PLCZ1: variants seen among roughly 807,000 people sequenced by gnomAD.
The protein encoded by PLCZ1 is 1-phosphatidylinositol 4,5-bisphosphate phosphodiesterase zeta-1.
In PLCZ1, 64 loss-of-function variants were observed where a neutral mutation model predicts 76.8. The observed-to-expected ratio is 0.83, with a 90% CI of 0.68 to 1.03. PLCZ1 has a LOEUF of 1.03. Ranked by LOEUF, PLCZ1 falls within the 50% of genes least tolerant of loss-of-function variation. The pLI is 0.00. For missense variants in PLCZ1, 751 were observed against 713.7 expected (o/e 1.05, Z -0.60); for synonymous variants, 248 against 230.8 (o/e 1.07, Z -0.68).
At chr12:18,710,897 A>G (rs1428298880) in intron 6 of PLCZ1, among the ~76,000 whole-genome samples, 1 of 152,096 alleles carries the variant, frequency 6.6e-6, no homozygotes, top group Non-Finnish European at 1.5e-5. Flanking sequence ...GGTGCTGGAG[A>G]GGATGTGGAG....
At position 18,696,257 on chromosome 12, in the gene PLCZ1, A is replaced by C; in HGVS notation, c.1184T>G (p.Phe395Cys). ...RKLSKLRVHE[F>C]IFHTRKFITR... ...AATGAACTTCCTGGTGTGAAAAATA[A>C]ACTCATGGACTGAAAAAGAATAATT... Residue 395 changes from phenylalanine to cysteine, a missense_variant, in exon 11 of 15, where the codon TTT becomes TGT. By Grantham distance (205) the Phe-to-Cys change is radical. Coordinates refer to ENST00000266505, the MANE Select transcript of PLCZ1 (RefSeq NM_033123.4). 1 of 1,552,488 alleles carries C rather than the reference A, an allele frequency of 6.4e-7. No individual in the cohort carries two copies. The highest frequency in any genetic ancestry group is 1.1e-5 in the South Asian group (1 of 89,102).
the PLCZ1 span, chr12:18,648,034 G>A: frequency 1.3e-6 from 2 of 1,565,896 alleles, no homozygotes; most frequent in Non-Finnish European, 1.7e-6. Flanking sequence ...TTTGACCATT[G>A]CTATGAACAT....
chr12:18,646,520 C>T, the PLCZ1 span, among the ~76,000 whole-genome samples: 1 of 152,046 alleles, frequency 6.6e-6, no homozygotes, highest in South Asian at 2.1e-4. Flanking sequence ...TCATTGATAA[C>T]GTAATGAAAG....
chr12:18,680,329 G>C (rs984982739), downstream of PLCZ1, among the ~76,000 whole-genome samples: 1 of 152,086 alleles, frequency 6.6e-6, no homozygotes, highest in South Asian at 2.1e-4. Context: ...AACTCCTAGA[G>C]GCTCTGTATA....
chr12:18,732,798 T>TAAAA (rs1174976462), intron 3 of PLCZ1, among the ~76,000 whole-genome samples: 3 of 152,216 alleles, frequency 2.0e-5, no homozygotes, highest in Admixed American at 2.0e-4. Context: ...AATAACAAGA[T>TAAAA]ATTCTTTATT....
chr12:18,650,680 G>A, the PLCZ1 span, among the ~76,000 whole-genome samples: 1 of 37,064 alleles, frequency 2.7e-5, no homozygotes, highest in African/African-American at 1.6e-4. Context: ...GTGTGTGTGT[G>A]TGTGTGTGTG....
At chr12:18,660,566 T>C in the PLCZ1 span, among the ~76,000 whole-genome samples, 9 of 152,152 alleles carry the variant, frequency 5.9e-5, no homozygotes, top group African/African-American at 2.2e-4. Flanking sequence ...TAACTGTGCA[T>C]GCCCGGAGAA....
At chr12:18,684,089 T>A (rs375406071) in intron 14 of PLCZ1, 41 bp downstream of exon 14, 58 of 1,603,002 alleles carry the variant, frequency 3.6e-5, no homozygotes, top group South Asian at 9.9e-5. Flanking sequence ...ACAAGTTATA[T>A]TTAAATGCTG....
intron 12 of PLCZ1, chr12:18,693,825 A>G (rs1411801319): frequency 1.4e-5 from 21 of 1,529,422 alleles, no homozygotes; most frequent in Non-Finnish European, 1.9e-5. Flanking sequence ...ATTGGCAGGA[A>G]GATTGAGTTC....
At chr12:18,688,320 A>G in intron 12 of PLCZ1, 102 bp from the exon 13 acceptor site, 6 of 1,210,148 alleles carry the variant, frequency 5.0e-6, no homozygotes, top group Non-Finnish European at 6.9e-6. Context: ...GATGGACTCT[A>G]AGTCAGCTCC....
At chr12:18,714,189 ATATAGT>A (rs1246605696) in intron 5 of PLCZ1, among the ~76,000 whole-genome samples, 1 of 152,236 alleles carries the variant, frequency 6.6e-6, no homozygotes, top group East Asian at 1.9e-4. Context: ...ATTCATGCAA[ATATAGT>A]TATAGCGTTA....
chr12:18,658,475 A>G, the PLCZ1 span, among the ~76,000 whole-genome samples: 4 of 152,148 alleles, frequency 2.6e-5, no homozygotes, highest in Non-Finnish European at 5.9e-5. Flanking sequence ...AATCCTCAAT[A>G]AGATTAATGG....
chr12:18,708,208 G>C (rs900402150), intron 6 of PLCZ1, among the ~76,000 whole-genome samples: 3 of 151,970 alleles, frequency 2.0e-5, no homozygotes, highest in African/African-American at 7.2e-5. Flanking sequence ...ACCACTGTTT[G>C]GTTATCTATC....
intron 2 of PLCZ1, 39 bp from the exon 3 acceptor site, chr12:18,736,383 G>T (rs1053304852): frequency 6.3e-7 from 1 of 1,592,242 alleles, no homozygotes; most frequent in Non-Finnish European, 8.6e-7. Context: ...CTCACAGAAA[G>T]TCATTGAATA....
chr12:18,709,219 C>T (rs1290684483), intron 6 of PLCZ1, among the ~76,000 whole-genome samples: 1 of 149,572 alleles, frequency 6.7e-6, no homozygotes, highest in Non-Finnish European at 1.5e-5. Flanking sequence ...GGTCTAATTT[C>T]GTTCTTTAGC....
chr12:18,698,491 G>C (rs771625538), intron 10 of PLCZ1, among the ~76,000 whole-genome samples: 4 of 151,964 alleles, frequency 2.6e-5, no homozygotes, highest in Non-Finnish European at 4.4e-5. Flanking sequence ...AAAATCTTTG[G>C]GTATCTATGA....
chr12:18,681,535 G>C (rs1183650021), downstream of PLCZ1, among the ~76,000 whole-genome samples: 1 of 151,976 alleles, frequency 6.6e-6, no homozygotes, highest in Non-Finnish European at 1.5e-5. Context: ...TCTGTTAATA[G>C]TTCTTGTGAG....
At position 18,684,214 on chromosome 12, in the gene PLCZ1, G is replaced by T; in HGVS notation, c.1657C>A (p.Arg553Ser). Residue 553 changes from arginine (R) to serine (S), a missense_variant, in exon 14 of 15, where the codon CGT becomes AGT. Coordinates refer to ENST00000266505, the MANE Select transcript of PLCZ1 (RefSeq NM_033123.4). ...IIHVPELALIRFVVEGQGLIA... is the reference protein window; with the variant it reads ...IIHVPELALISFVVEGQGLIA... ...AAACCTTGACCTTCAACAACAAAAC[G>T]TATCAATGCCAATTCTGGGACATGA... The T allele has an allele frequency of 6.2e-7, 1 of 1,611,576 alleles. No individual in the cohort carries two copies. Among genetic ancestry groups the T allele is most frequent in the South Asian group, 1.1e-5 (1 of 91,042 alleles).
downstream of PLCZ1, chr12:18,683,152 T>C: frequency 8.8e-7 from 1 of 1,137,652 alleles, no homozygotes. Context: ...TATTTTTCTT[T>C]ATGTTTAAAA....
Sources: gnomAD v4.1 joint callset for allele counts (sites outside exome capture counted in the v4.1 genomes callset) on GRCh38, gnomAD v4.1.1 for gene constraint, MANE v1.5 for transcripts, NCBI Gene and HGNC (gene_info 2026-07-23, HGNC 2026-07-21) for gene names.